Variants in PCDHA5 observed in about 807,000 individuals in gnomAD.
PCDHA5 encodes the protein protocadherin alpha-5.
In PCDHA5, 43 loss-of-function variants were observed where a neutral mutation model predicts 61.6. The ratio of observed to expected loss-of-function variants is 0.70; its 90% CI spans 0.55 to 0.90. The LOEUF (loss-of-function observed/expected upper bound fraction) is 0.90. Among genes scored for constraint, PCDHA5 ranks in the 40% least tolerant of loss-of-function variants. PCDHA5 has a pLI of 0.00. For synonymous variants in PCDHA5, 627 were observed against 543.9 expected, an observed-to-expected ratio of 1.15 and a Z score of -2.13; for missense variants, 1,298 against 1,222.7, an observed-to-expected ratio of 1.06 and a Z score of -0.92.
Position 141,011,486 on chromosome 5 carries a change from T to C in PCDHA5, c.*1549T>C, listed in dbSNP as rs887081256. ...GAATGTAATTCCATTATATTTCCTT[T>C]TGTACACCTGTGAAAAAGTGGAGTA... is the stretch of plus-strand genomic sequence containing the variant. On this transcript the variant is annotated 3_prime_UTR_variant, in exon 4 of 4. Coordinates refer to ENST00000529859, the MANE Select transcript of PCDHA5 (RefSeq NM_018908.3). 15 of 153,928 alleles carry C rather than the reference T, an allele frequency of 9.7e-5. No homozygotes were observed. Among genetic ancestry groups the C allele is most frequent in the African/African-American group, 2.9e-4 (12 of 41,596 alleles). The allele number at this position is 153,928 out of a possible 1,614,324, so 9.5% of individuals were successfully genotyped here.
chr5:140,823,295 T>G lies in PCDHA5; in HGVS notation c.1520T>G (p.Val507Gly). The G allele has an allele frequency of 1.9e-6, 3 of 1,612,260 alleles. No individual in the cohort carries two copies. Among genetic ancestry groups the G allele is most frequent in the Non-Finnish European group, 2.5e-6 (3 of 1,179,700 alleles). ...RVGERPLSSY[V>G]SVHAESGKVY... ...GGCGAGCGCCCGCTGTCGAGTTACGTTTCGGTGCACGCGGAGAGCGGCAAG... is the reference window on the plus strand; with the variant it reads ...GGCGAGCGCCCGCTGTCGAGTTACGGTTCGGTGCACGCGGAGAGCGGCAAG... The change falls in exon 1 of 4, where the codon GTT becomes GGT. Residue 507 changes from valine to glycine, a missense_variant. Coordinates refer to ENST00000529859, the MANE Select transcript of PCDHA5 (RefSeq NM_018908.3).
chr5:140,942,589 T>G (rs1444015331), intron 1 of PCDHA5, among the ~76,000 whole-genome samples: 1 of 148,934 alleles, frequency 6.7e-6, no homozygotes, highest in Non-Finnish European at 1.5e-5. Flanking sequence ...GGATGTCACA[T>G]ATAATTATAG....
At position 140,847,175 on chromosome 5, in the gene PCDHA5, G is replaced by A. The variant is rs1238681114; in HGVS notation, c.2352+23048G>A. ...TGATTTCTGAGTAATAAACTAAAGG[G>A]CCATGAGTGATTAAGGAATTTGGCC... is the stretch of plus-strand genomic sequence containing the variant. On this transcript the variant is annotated intron_variant, in intron 1 of 3. Transcript: ENST00000529859. Among the ~76,000 whole-genome samples the A allele has an allele frequency of 4.0e-5, 6 of 149,412 alleles. 2 individuals are homozygous for A. The highest frequency in any genetic ancestry group is 9.0e-5 in the Non-Finnish European group (6 of 66,808).
At chr5:140,849,768 G>A (rs1306922979) in intron 1 of PCDHA5, 2 of 1,598,386 alleles carry the variant, frequency 1.3e-6, no homozygotes, top group African/African-American at 2.7e-5. Flanking sequence ...CGAGCTGGTG[G>A]TTACCGCGCG....
chr5:140,858,487 C>G (rs896590695), intron 1 of PCDHA5: 5 of 1,499,788 alleles, frequency 3.3e-6, no homozygotes, highest in Non-Finnish European at 4.5e-6. Flanking sequence ...ATAATATTTT[C>G]TCTTACCGCA....
Position 140,967,117 on chromosome 5 carries a change from C to T in PCDHA5, c.2353-11832C>T, listed in dbSNP as rs370329233. 7.4e-6 allele frequency: 12 copies of T among 1,612,904 alleles called. No individual in the cohort carries two copies. The East Asian group carries it at 1.6e-4, about 21-fold the overall frequency. On this transcript the variant is annotated intron_variant, in intron 1 of 3. Coordinates refer to ENST00000529859, the MANE Select transcript of PCDHA5 (RefSeq NM_018908.3). ...CGCTGTGTGAGCAGCGGCCTCGCTG[C>T]CTGCTCAGCTTGGAAGTGCTGGCGC...
intron 3 of PCDHA5, among the ~76,000 whole-genome samples, chr5:141,000,477 G>C (rs1191359491): frequency 1.5e-5 from 2 of 132,058 alleles, no homozygotes; most frequent in African/African-American, 5.8e-5. Context: ...GCCCAAGCTG[G>C]AGTGCAATGG....
intron 1 of PCDHA5, chr5:140,842,623 G>A (rs1778148921): frequency 4.4e-6 from 7 of 1,579,148 alleles, no homozygotes; most frequent in Middle Eastern, 1.7e-4. Flanking sequence ...GCTCGCCTTC[G>A]CTGTGGGCCA....
chr5:140,912,164 CT>C (rs1281307479), intron 1 of PCDHA5, among the ~76,000 whole-genome samples: 1 of 152,158 alleles, frequency 6.6e-6, no homozygotes, highest in Non-Finnish European at 1.5e-5. Flanking sequence ...TTTATTCTGG[CT>C]GTGCTGGCAG....
intron 1 of PCDHA5, among the ~76,000 whole-genome samples, chr5:140,872,428 G>C (rs2053656212): frequency 6.6e-6 from 1 of 151,990 alleles, no homozygotes; most frequent in African/African-American, 2.4e-5. Context: ...AGAGTTCGAG[G>C]CCTGCCTGGA....
At chr5:140,981,203 C>T (rs2096922514) in intron 2 of PCDHA5, among the ~76,000 whole-genome samples, 1 of 152,212 alleles carries the variant, frequency 6.6e-6, no homozygotes, top group South Asian at 2.1e-4. Flanking sequence ...TCTGTTGCCT[C>T]ATATAACCCC....
At chr5:140,941,048 T>C (rs1157859382) in intron 1 of PCDHA5, among the ~76,000 whole-genome samples, 1 of 152,138 alleles carries the variant, frequency 6.6e-6, no homozygotes, top group African/African-American at 2.4e-5. Context: ...CAAGTCAAAT[T>C]CCCCAGCAGT....
At chr5:140,896,000 AG>A (rs1239259521) in intron 1 of PCDHA5, among the ~76,000 whole-genome samples, 1 of 152,064 alleles carries the variant, frequency 6.6e-6, no homozygotes, top group Non-Finnish European at 1.5e-5. Flanking sequence ...AAGTAGAGAC[AG>A]GGTTTCTCCA....
At chr5:140,875,997 T>C in intron 1 of PCDHA5, 13 of 1,613,924 alleles carry the variant, frequency 8.1e-6, no homozygotes, top group South Asian at 1.1e-5. Context: ...TAAGTCTAAA[T>C]GAGAATTTTG....
At chr5:140,883,041 G>A (rs2059417348) in intron 1 of PCDHA5, 1 of 1,613,960 alleles carries the variant, frequency 6.2e-7, no homozygotes, top group African/African-American at 1.3e-5. Context: ...GCCTTCAATG[G>A]AACATTAGTG....
intron 1 of PCDHA5, among the ~76,000 whole-genome samples, chr5:140,923,319 A>G (rs1004006693): frequency 1.1e-4 from 16 of 152,264 alleles, no homozygotes; most frequent in African/African-American, 3.9e-4. Flanking sequence ...TTGGCCTAGA[A>G]GTTCAAGGAC....
chr5:140,821,662 C>A lies in PCDHA5; in HGVS notation c.-114C>A. 1.6e-6 allele frequency: 2 copies of A among 1,220,782 alleles called. No homozygotes were observed. Among genetic ancestry groups the A allele is most frequent in the Non-Finnish European group, 2.3e-6 (2 of 879,184 alleles). 75.6% of individuals were successfully genotyped at this position (1,220,782 alleles called of 1,614,324 possible). ...AAGAACCTTCCATTTTTGGCTGTGC[C>A]AAGAAGCTCAGAAAGGCGATAATAT... On this transcript the variant is annotated 5_prime_UTR_variant, in exon 1 of 4. Transcript: ENST00000529859.
At chr5:140,927,556 A>G (rs1428283255) in intron 1 of PCDHA5, 15 of 1,614,022 alleles carry the variant, frequency 9.3e-6, no homozygotes, top group African/African-American at 1.3e-5. Flanking sequence ...AGTCACCATC[A>G]TTGTGGTGGA....
chr5:140,863,075 C>A (rs546237964), intron 1 of PCDHA5: 2 of 569,532 alleles, frequency 3.5e-6, no homozygotes, highest in South Asian at 1.4e-5. Context: ...GGGCTCTGCA[C>A]GGGCGAGATC....
Sources: gnomAD v4.1 joint callset for allele counts (sites outside exome capture counted in the v4.1 genomes callset) on GRCh38, gnomAD v4.1.1 for gene constraint, MANE v1.5 for transcripts, NCBI Gene and HGNC (gene_info 2026-07-23, HGNC 2026-07-21) for gene names.